The following NUDT4 variants were observed in gnomAD, a reference collection of about 807,000 sequenced individuals.
The protein encoded by NUDT4 is nudix hydrolase 4, also known as diphosphoinositol polyphosphate phosphohydrolase 2.
Under a neutral mutation model 23.1 loss-of-function variants are expected in NUDT4, and 5 were observed. The observed-to-expected ratio is 0.22, with a 90% CI of 0.11 to 0.46. The LOEUF (loss-of-function observed/expected upper bound fraction) is 0.46, where lower values mean the gene tolerates loss of function less well. Among genes scored for constraint, NUDT4 ranks in the 20% least tolerant of loss-of-function variants. NUDT4 has a pLI of 0.99. For synonymous variants in NUDT4, 50 were observed against 79.0 expected, an observed-to-expected ratio of 0.63 and a Z score of 1.95; for missense variants, 96 against 211.6, an observed-to-expected ratio of 0.45 and a Z score of 3.39.
intron 3 of NUDT4, among the ~76,000 whole-genome samples, chr12:93,398,355 A>AG (rs1161824997): frequency 3.5e-4 from 52 of 150,696 alleles, no homozygotes; most frequent in East Asian, 1.4e-3. Context: ...AAAAAAAAAA[A>AG]AAAAGAAAAG....
chr12:93,392,650 A>G (rs959742899), intron 1 of NUDT4, among the ~76,000 whole-genome samples: 11 of 120,646 alleles, frequency 9.1e-5, no homozygotes, highest in African/African-American at 2.9e-4. Context: ...TTTTGTAACA[A>G]TTTGTAGATT....
chr12:93,378,103 C>T lies in NUDT4; in HGVS notation c.-220C>T, dbSNP rs1278836510. On this transcript the variant is annotated 5_prime_UTR_variant, in exon 1 of 5. Transcript: ENST00000415493. ...AGAGGCGGAGCTTTCATCTCGGCAC[C>T]CTGGTTCCAGTGACCCGCGCTAGCG... 7 of 253,888 alleles carry T rather than the reference C, an allele frequency of 2.8e-5. No individual in the cohort carries two copies. Among genetic ancestry groups the T allele is most frequent in the Admixed American group, 5.4e-5 (1 of 18,678 alleles). 15.7% of individuals were successfully genotyped at this position (253,888 alleles called of 1,614,324 possible).
rs552076631 is a variant in NUDT4, at chr12:93,379,546, C to T, written c.99+1125C>T. 1.2e-4 allele frequency among the ~76,000 whole-genome samples: 18 copies of T among 152,242 alleles called. No homozygotes were observed. The South Asian group carries it at 3.5e-3, about 30-fold the overall frequency. ...GTTCTTGTTATGTTAACGAAAAGTT[C>T]TCGAAATTTGCCCTTCAAACCCTTG... is the stretch of plus-strand genomic sequence containing the variant. On this transcript the variant is annotated intron_variant, in intron 1 of 4. Coordinates refer to ENST00000415493, the MANE Select transcript of NUDT4 (RefSeq NM_019094.6).
chr12:93,379,411 AACCGTGTATAAAATACT>A (rs556951445), intron 1 of NUDT4, among the ~76,000 whole-genome samples: 1,662 of 152,368 alleles, frequency 0.011, 20 homozygotes, highest in Non-Finnish European at 0.019. Flanking sequence ...TTTCATAACC[AACCGTGTATAAAATACT>A]AGGCTAAGGC....
chr12:93,386,420 T>C (rs1876100384), intron 1 of NUDT4, among the ~76,000 whole-genome samples: 1 of 151,604 alleles, frequency 6.6e-6, no homozygotes, highest in African/African-American at 2.4e-5. Flanking sequence ...CCACTAAAAA[T>C]ACAAAAAAAA....
chr12:93,380,589 AAG>A (rs968339638), intron 1 of NUDT4, among the ~76,000 whole-genome samples: 7 of 152,184 alleles, frequency 4.6e-5, no homozygotes, highest in Admixed American at 4.6e-4. Context: ...GATCTGAGGG[AAG>A]ACTCTAGAAT....
At chr12:93,390,736 G>T (rs1219861680) in intron 1 of NUDT4, among the ~76,000 whole-genome samples, 2 of 152,000 alleles carry the variant, frequency 1.3e-5, no homozygotes, top group Non-Finnish European at 2.9e-5. Context: ...CTCCTGAGTA[G>T]CTGGTATTAT....
intron 1 of NUDT4, 137 bp downstream of exon 1, chr12:93,378,558 C>T: frequency 7.6e-7 from 1 of 1,310,118 alleles, no homozygotes; most frequent in Non-Finnish European, 9.8e-7. Flanking sequence ...TCCTTTCCTC[C>T]CTCACTCCTT....
At position 93,400,765 on chromosome 12, in the gene NUDT4, A is replaced by G. The variant is rs1233434907; in HGVS notation, c.*1386A>G. 1.3e-5 allele frequency: 2 copies of G among 152,278 alleles called. No homozygotes were observed. The highest frequency in any genetic ancestry group is 2.9e-5 in the Non-Finnish European group (2 of 68,070). The allele number at this position is 152,278 out of a possible 1,614,324, so 9.4% of individuals were successfully genotyped here. On this transcript the variant is annotated 3_prime_UTR_variant, in exon 5 of 5. Transcript: ENST00000415493. ...GTTGGGATTACAGGCGCCTGCCTCC[A>G]TGCCTGGCTAATTTTGTATTTTTAG...
intron 3 of NUDT4, among the ~76,000 whole-genome samples, chr12:93,396,760 A>C (rs1042181226): frequency 3.3e-5 from 5 of 152,204 alleles, no homozygotes; most frequent in Non-Finnish European, 7.3e-5. Flanking sequence ...TAAAAATACA[A>C]AAATTAGCCG....
At chr12:93,394,125 C>T (rs1876756267) in intron 1 of NUDT4, among the ~76,000 whole-genome samples, 1 of 151,878 alleles carries the variant, frequency 6.6e-6, no homozygotes, top group Non-Finnish European at 1.5e-5. Flanking sequence ...GCTTCAGCCT[C>T]CCAAGTAGCT....
At chr12:93,394,534 C>T in intron 1 of NUDT4, 75 bp from the exon 2 acceptor site, 1 of 800,776 alleles carries the variant, frequency 1.2e-6, no homozygotes, top group Non-Finnish European at 2.1e-6. Context: ...TATAACCTTG[C>T]AGAGGTTTGA....
In NUDT4 at chr12:93,406,275, C is replaced by CGA; in HGVS notation, c.*6896_*6897insGA. The CGA allele has an allele frequency of 2.6e-5, 1 of 37,990 alleles. No homozygotes were observed. Among genetic ancestry groups the CGA allele is most frequent in the East Asian group, 1.5e-3 (1 of 658 alleles). The allele number at this position is 37,990 out of a possible 1,614,324, so 2.4% of individuals were successfully genotyped here. On this transcript the variant is annotated 3_prime_UTR_variant, in exon 5 of 5. Coordinates refer to ENST00000415493, the MANE Select transcript of NUDT4 (RefSeq NM_019094.6). Reference sequence around the variant, plus strand: ...AGAGCTAGAAAGTGGCTAGAGCAGCCAAAAAAAAAAAAAAAAAAAAAAAAA... The same window carrying CGA: ...AGAGCTAGAAAGTGGCTAGAGCAGCCGAAAAAAAAAAAAAAAAAAAAAAAAAA...
rs568201000 is a variant in NUDT4 at position 93,385,393 on chromosome 12, T to C, written c.99+6972T>C. Among the ~76,000 whole-genome samples, 12 of 152,336 alleles carry C rather than the reference T, an allele frequency of 7.9e-5. No individual in the cohort carries two copies. In the East Asian group the frequency reaches 9.7e-4, roughly 12 times the overall value. On this transcript the variant is annotated intron_variant, in intron 1 of 4. Transcript: ENST00000415493. The stretch of plus-strand genomic sequence containing the variant: ...GCCTCCTTTTCGTAAATCTTTCATA[T>C]AGTCACAGCTCTGATTTATCTGGAA...
At chr12:93,385,667 T>C (rs2120882785) in intron 1 of NUDT4, among the ~76,000 whole-genome samples, 1 of 151,214 alleles carries the variant, frequency 6.6e-6, no homozygotes, top group East Asian at 2.0e-4. Flanking sequence ...GGCTGTTGTG[T>C]GCGTTTAGAG....
rs1877702215 is a variant in NUDT4, at chr12:93,404,672, ACACTACTAGACAG to A, written c.*5294_*5306del. The A allele has an allele frequency of 2.0e-5, 3 of 152,212 alleles. No homozygotes were observed. Among genetic ancestry groups the A allele is most frequent in the Admixed American group, 6.5e-5 (1 of 15,284 alleles). The allele number at this position is 152,212 out of a possible 1,614,324, so 9.4% of individuals were successfully genotyped here. A position where few individuals can be genotyped will look rare whatever the true frequency, so the allele number is the denominator to read the frequency against. On this transcript the variant is annotated 3_prime_UTR_variant, in exon 5 of 5. Transcript: ENST00000415493. Reference sequence around the variant, plus strand: ...TTCAATAGTGATTGAAAAAGGCAGAACACTACTAGACAGAACTACCTGTTTTATGCATGTATTG... The same window carrying A: ...TTCAATAGTGATTGAAAAAGGCAGAAAACTACCTGTTTTATGCATGTATTG...
chr12:93,403,469 C>G lies in NUDT4; in HGVS notation c.*4090C>G, dbSNP rs1235656993. Reference sequence around the variant, plus strand: ...GAGGAGCTGGGATCACAGGCGCCTGCCACCACGCCCGGCTAATTTTTTTGT... The same window carrying G: ...GAGGAGCTGGGATCACAGGCGCCTGGCACCACGCCCGGCTAATTTTTTTGT... On this transcript the variant is annotated 3_prime_UTR_variant, in exon 5 of 5. Transcript: ENST00000415493. 1 of 152,164 alleles carries G rather than the reference C, an allele frequency of 6.6e-6. No individual in the cohort carries two copies. Among genetic ancestry groups the G allele is most frequent in the Non-Finnish European group, 1.5e-5 (1 of 68,094 alleles). 9.4% of individuals were successfully genotyped at this position (152,164 alleles called of 1,614,324 possible).
chr12:93,385,968 T>TATATATATATATATATATATAC (rs1555193197), intron 1 of NUDT4, among the ~76,000 whole-genome samples: 33 of 133,584 alleles, frequency 2.5e-4, no homozygotes, highest in African/African-American at 8.5e-4. Context: ...TATATATATA[T>TATATATATATATATATATATAC]ATACATAATT....
At chr12:93,392,266 C>CT (rs1460216207) in intron 1 of NUDT4, among the ~76,000 whole-genome samples, 1 of 108,694 alleles carries the variant, frequency 9.2e-6, no homozygotes. Context: ...TTTTTTTTTC[C>CT]TTTTTTTGAG....
Sources: allele counts gnomAD v4.1 joint callset (sites outside exome capture counted in the v4.1 genomes callset), GRCh38; gene constraint gnomAD v4.1.1; transcripts MANE v1.5; gene names NCBI Gene and HGNC (gene_info 2026-07-23, HGNC 2026-07-21).